Variants in RABGAP1L observed in about 807,000 individuals in gnomAD.
The protein encoded by RABGAP1L is rab GTPase-activating protein 1-like.
In RABGAP1L, 63 loss-of-function variants were observed where a neutral mutation model predicts 137.7. That is an observed-to-expected ratio of 0.46 (90% CI 0.37 to 0.56). The LOEUF is 0.56. Ranked by LOEUF, RABGAP1L falls within the 20% of genes least tolerant of loss-of-function variation. RABGAP1L has a pLI of 0.00. For synonymous variants in RABGAP1L, 431 were observed against 433.7 expected, an observed-to-expected ratio of 0.99 and a Z score of 0.08; for missense variants, 1,095 against 1,244.0, an observed-to-expected ratio of 0.88 and a Z score of 1.80.
chr1:174,565,047 G>A (rs1003328294), intron 13 of RABGAP1L, among the ~76,000 whole-genome samples: 2 of 152,188 alleles, frequency 1.3e-5, no homozygotes, highest in African/African-American at 4.8e-5. Flanking sequence ...AGGACAGAGA[G>A]CATTTGTTAT....
At chr1:174,547,714 G>A (rs898101097) in intron 13 of RABGAP1L, 69 of 793,942 alleles carry the variant, frequency 8.7e-5, no homozygotes, top group Non-Finnish European at 6.5e-5. Flanking sequence ...TTAGACATGG[G>A]GAATTTATCT....
At chr1:174,724,406 A>G (rs1681819093) in intron 17 of RABGAP1L, among the ~76,000 whole-genome samples, 1 of 152,220 alleles carries the variant, frequency 6.6e-6, no homozygotes, top group African/African-American at 2.4e-5. Flanking sequence ...AATTCCAGAC[A>G]TGAATATGAG....
intron 13 of RABGAP1L, among the ~76,000 whole-genome samples, chr1:174,625,495 A>AT (rs1194473028): frequency 6.6e-6 from 1 of 152,108 alleles, no homozygotes; most frequent in Non-Finnish European, 1.5e-5. Context: ...GTGCAGTGGC[A>AT]TGATCTCAGA....
At chr1:174,610,270 A>G (rs559680785) in intron 13 of RABGAP1L, among the ~76,000 whole-genome samples, 1 of 130,986 alleles carries the variant, frequency 7.6e-6, no homozygotes, top group Non-Finnish European at 1.5e-5. Flanking sequence ...GTGTTCTCAT[A>G]GTTCAATTCC....
chr1:174,808,803 G>A (rs950261151), intron 18 of RABGAP1L, among the ~76,000 whole-genome samples: 6 of 151,820 alleles, frequency 4.0e-5, no homozygotes, highest in African/African-American at 1.5e-4. Context: ...ACAGGCATGC[G>A]CCACCACGCC....
intron 13 of RABGAP1L, among the ~76,000 whole-genome samples, chr1:174,504,058 C>T (rs887871825): frequency 2.6e-5 from 4 of 151,406 alleles, no homozygotes; most frequent in African/African-American, 9.7e-5. Flanking sequence ...CCACAAACGC[C>T]GCCTTCAGAG....
chr1:174,750,527 A>G (rs1189409816), intron 17 of RABGAP1L, among the ~76,000 whole-genome samples: 1 of 152,170 alleles, frequency 6.6e-6, no homozygotes, highest in Non-Finnish European at 1.5e-5. Context: ...GAAATTTCAC[A>G]ATTCCTGTGA....
At chr1:174,376,608 T>C (rs1261683231) in intron 12 of RABGAP1L, among the ~76,000 whole-genome samples, 1 of 152,164 alleles carries the variant, frequency 6.6e-6, no homozygotes, top group Non-Finnish European at 1.5e-5. Context: ...ATCATTTCAA[T>C]AGATGCAGAA....
At chr1:174,708,613 C>CG (rs1680238537) in intron 17 of RABGAP1L, among the ~76,000 whole-genome samples, 1 of 152,156 alleles carries the variant, frequency 6.6e-6, no homozygotes, top group Non-Finnish European at 1.5e-5. Flanking sequence ...CTATCCAGCC[C>CG]AGATACTACA....
chr1:174,602,230 G>T (rs1670467724), intron 13 of RABGAP1L, among the ~76,000 whole-genome samples: 1 of 152,190 alleles, frequency 6.6e-6, no homozygotes, highest in African/African-American at 2.4e-5. Flanking sequence ...AGAAAAAGAG[G>T]TTTAATTGGA....
chr1:174,715,649 C>T (rs574775607), intron 17 of RABGAP1L, among the ~76,000 whole-genome samples: 4 of 152,338 alleles, frequency 2.6e-5, no homozygotes, highest in South Asian at 4.1e-4. Context: ...CATGGGCAGA[C>T]GCTGTGATTA....
chr1:174,278,515 T>C lies in RABGAP1L; in HGVS notation c.1157-98T>C, dbSNP rs953554814. On this transcript the variant is annotated intron_variant, in intron 9 of 25. Transcript: ENST00000681986. ...AAATAAACATAGAAGGTATTACAAT[T>C]GTAAAGAACTTTAATTCTTTCATAA... 7 of 924,986 alleles carry C rather than the reference T, an allele frequency of 7.6e-6. No homozygotes were observed. The African/African-American group carries it at 1.2e-4, about 16-fold the overall frequency. The allele number at this position is 924,986 out of a possible 1,614,324, so 57.3% of individuals were successfully genotyped here.
At chr1:174,620,660 T>A (rs1400350688) in intron 13 of RABGAP1L, among the ~76,000 whole-genome samples, 1 of 151,958 alleles carries the variant, frequency 6.6e-6, no homozygotes, top group Admixed American at 6.6e-5. Flanking sequence ...TTTATGGCAC[T>A]AAATACCCAC....
At chr1:174,331,476 G>A (rs931661925) in intron 11 of RABGAP1L, among the ~76,000 whole-genome samples, 1 of 152,156 alleles carries the variant, frequency 6.6e-6, no homozygotes, top group Non-Finnish European at 1.5e-5. Context: ...ATGGGCAAAA[G>A]ATCTGAATAG....
At chr1:174,360,337 C>CT (rs1352679047) in intron 11 of RABGAP1L, among the ~76,000 whole-genome samples, 20 of 151,956 alleles carry the variant, frequency 1.3e-4, no homozygotes, top group Admixed American at 9.8e-4. Context: ...GAAGTATTCT[C>CT]TAAGTATTTA....
chr1:174,290,697 A>G (rs1448851010), intron 10 of RABGAP1L, among the ~76,000 whole-genome samples: 2 of 150,480 alleles, frequency 1.3e-5, no homozygotes, highest in South Asian at 2.1e-4. Flanking sequence ...ATACATAAAG[A>G]CTTGATTTTT....
chr1:174,211,560 CAGAA>C lies in RABGAP1L; in HGVS notation c.-33-7562_-33-7559del, dbSNP rs571760666. Among the ~76,000 whole-genome samples the C allele has an allele frequency of 1.2e-3, 187 of 152,024 alleles. 1 individual carries two copies. Among genetic ancestry groups the C allele is most frequent in the African/African-American group, 4.4e-3 (181 of 41,482 alleles). ...AAAATCACCTTGACTAAAAGGATGACAGAAAGGAAAGAAGGAAGCAAATACCAGA... is the reference window on the plus strand; with the variant it reads ...AAAATCACCTTGACTAAAAGGATGACAGGAAAGAAGGAAGCAAATACCAGA... On this transcript the variant is annotated intron_variant, in intron 1 of 25. Coordinates refer to ENST00000681986, the MANE Select transcript of RABGAP1L (RefSeq NM_001366446.1).
intron 17 of RABGAP1L, among the ~76,000 whole-genome samples, chr1:174,721,267 T>C (rs547664064): frequency 7.9e-5 from 12 of 152,362 alleles, no homozygotes; most frequent in South Asian, 6.2e-4. Flanking sequence ...CGGCCATACA[T>C]AGAAGCATGA....
chr1:174,944,513 T>G (rs1477192758), intron 19 of RABGAP1L, among the ~76,000 whole-genome samples: 1 of 151,770 alleles, frequency 6.6e-6, no homozygotes, highest in Admixed American at 6.6e-5. Context: ...GACTTACACC[T>G]GTGGTCCCAA....
Sources: allele counts gnomAD v4.1 joint callset (sites outside exome capture counted in the v4.1 genomes callset), GRCh38; gene constraint gnomAD v4.1.1; transcripts MANE v1.5; gene names NCBI Gene and HGNC (gene_info 2026-07-23, HGNC 2026-07-21).